Variants in COMTD1 observed in about 807,000 individuals in gnomAD.
COMTD1 encodes the protein catechol-O-methyltransferase domain containing 1.
A neutral mutation model predicts 33.6 loss-of-function variants in COMTD1; 35 were observed. The ratio of observed to expected loss-of-function variants is 1.04; its 90% CI spans 0.80 to 1.38. COMTD1 has a LOEUF of 1.38. Ranked by LOEUF, COMTD1 falls within the 40% of genes most tolerant of loss-of-function variation. COMTD1 has a pLI of 0.00. For synonymous variants in COMTD1, 160 were observed against 176.8 expected, an observed-to-expected ratio of 0.91 and a Z score of 0.75; for missense variants, 370 against 363.4, an observed-to-expected ratio of 1.02 and a Z score of -0.15.
intron 5 of COMTD1, 72 bp from the exon 6 acceptor site, chr10:75,234,815 G>T (rs1842166381): frequency 1.3e-6 from 2 of 1,529,446 alleles, no homozygotes; most frequent in Middle Eastern, 2.3e-4. Context: ...TCCCAGGCCG[G>T]CCCGGGCTCT....
At chr10:75,235,577 T>C in intron 2 of COMTD1, 39 bp downstream of exon 2, 1 of 1,547,358 alleles carries the variant, frequency 6.5e-7, no homozygotes, top group South Asian at 1.2e-5. Context: ...CCCGCAGGGG[T>C]CGAGAGGGAC....
At position 75,234,716 on chromosome 10, in the gene COMTD1, C is replaced by T; in HGVS notation, c.530G>A (p.Gly177Asp). Residue 177 changes from glycine (G) to aspartate (D), a missense_variant, in exon 6 of 7, where the codon GGC (glycine) becomes GAC (aspartate). Coordinates refer to ENST00000372538, the MANE Select transcript of COMTD1 (RefSeq NM_144589.4). ...ATCCACCACGGCCACGTCGAAGGTG[C>T]CGGCCTCGCCCGCCGCCAGCAGCTC... ...LDELLAAGEAGTFDVAVVDAD... is the reference protein window; with the variant it reads ...LDELLAAGEADTFDVAVVDAD... 6.3e-7 allele frequency: 1 copy of T among 1,591,116 alleles called. No individual in the cohort carries two copies.
intron 6 of COMTD1, 27 bp from the exon 7 acceptor site, chr10:75,234,252 C>G (rs769905010): frequency 5.7e-6 from 9 of 1,576,336 alleles, no homozygotes; most frequent in African/African-American, 2.7e-5. Flanking sequence ...CCAACCGGGC[C>G]GTGGGAGGCG....
In COMTD1 at chr10:75,234,124, G is replaced by A. The variant is rs1311057629; in HGVS notation, c.738C>T (p.Tyr246=). Residue 246 remains tyrosine, a synonymous_variant, in exon 7 of 7, where the codon TAC becomes TAT. Coordinates refer to ENST00000372538, the MANE Select transcript of COMTD1 (RefSeq NM_144589.4). ...NERIRRDVRV[Y]ISLLPLGDGL... ...CATCGCCCAGGGGCAGGAGGCTGATGTAGACCCTGACGTCCCGCCGGATGC... is the reference window on the plus strand; with the variant it reads ...CATCGCCCAGGGGCAGGAGGCTGATATAGACCCTGACGTCCCGCCGGATGC... 3.1e-6 allele frequency: 5 copies of A among 1,613,890 alleles called. No individual in the cohort carries two copies. Among genetic ancestry groups the A allele is most frequent in the South Asian group, 1.1e-5 (1 of 91,090 alleles).
Position 75,233,955 on chromosome 10 carries a change from A to T in COMTD1, c.*118T>A. The T allele has an allele frequency of 6.3e-7, 1 of 1,576,630 alleles. No homozygotes were observed. On this transcript the variant is annotated 3_prime_UTR_variant, in exon 7 of 7. Coordinates refer to ENST00000372538, the MANE Select transcript of COMTD1 (RefSeq NM_144589.4). ...CTCCCTTCCCCATCCAGCGCCACAC[A>T]CGGAGGCTCAGGAGGTCGTGTGTCC...
intron 6 of COMTD1, 60 bp downstream of exon 6, chr10:75,234,550 G>A: frequency 1.3e-6 from 2 of 1,509,240 alleles, no homozygotes; most frequent in Non-Finnish European, 1.8e-6. Context: ...GGAGTCAAGG[G>A]AAAAGATGGG....
chr10:75,234,115 G>A lies in COMTD1; in HGVS notation c.747C>T (p.Leu249=), dbSNP rs1464120692. ...IRRDVRVYIS[L]LPLGDGLTLA... is the part of the protein sequence containing the mutation. ...AGGTGAGTCCATCGCCCAGGGGCAG[G>A]AGGCTGATGTAGACCCTGACGTCCC... The change falls in exon 7 of 7, where the codon CTC becomes CTT. Residue 249 remains leucine (L), a synonymous_variant. Coordinates refer to ENST00000372538, the MANE Select transcript of COMTD1 (RefSeq NM_144589.4). 1.2e-6 allele frequency: 2 copies of A among 1,613,976 alleles called. No individual in the cohort carries two copies. The highest frequency in any genetic ancestry group is 2.2e-5 in the East Asian group (1 of 44,882).
rs944515103 is a variant in COMTD1 at position 75,234,305 on chromosome 10, G to A, written c.637-80C>T. On this transcript the variant is annotated intron_variant, in intron 6 of 6. Transcript: ENST00000372538. ...GCTCGGGCGGAAGGCGGGGGACTGG[G>A]AGGGAGGTGCCCGGGCGGGAGGCGG... is the stretch of plus-strand genomic sequence containing the variant. 27 of 1,430,878 alleles carry A rather than the reference G, an allele frequency of 1.9e-5. No homozygotes were observed. In the African/African-American group the frequency reaches 2.4e-4, roughly 13 times the overall value. The allele number at this position is 1,430,878 out of a possible 1,614,324, so 88.6% of individuals were successfully genotyped here. A position where few individuals can be genotyped will look rare whatever the true frequency, so the allele number is the denominator to read the frequency against.
chr10:75,235,715 CCGG>C lies in COMTD1; in HGVS notation c.120_122del (p.Arg42del), dbSNP rs1219180883. ...CGGGGGGAAGCAGGCACTGCTCTCG[CCGG>C]CCTCGCCATGGGGGGCACCGCCTCC... On this transcript the variant is annotated inframe_deletion, in exon 2 of 7. Transcript: ENST00000372538. The C allele has an allele frequency of 6.2e-7, 1 of 1,600,172 alleles. No homozygotes were observed. Among genetic ancestry groups the C allele is most frequent in the Non-Finnish European group, 8.5e-7 (1 of 1,174,914 alleles).
chr10:75,235,797 G>GGGCCCCCC, intron 1 of COMTD1, 38 bp downstream of exon 1: 1 of 1,538,638 alleles, frequency 6.5e-7, no homozygotes, highest in Non-Finnish European at 8.8e-7. Flanking sequence ...CCTACTCTGC[G>GGGCCCCCC]CCCGCCCACC....
At position 75,235,323 on chromosome 10, in the gene COMTD1, G is replaced by C; in HGVS notation, c.272C>G (p.Ala91Gly). The C allele has an allele frequency of 9.4e-6, 15 of 1,594,808 alleles. No individual in the cohort carries two copies. Among genetic ancestry groups the C allele is most frequent in the Non-Finnish European group, 1.3e-5 (15 of 1,173,420 alleles). The change falls in exon 3 of 7, where the codon GCC becomes GGC. Residue 91 changes from alanine (A) to glycine (G), a missense_variant. Transcript: ENST00000372538. Reference protein sequence around the residue: ...QGDSMMTCEQAQLLANLARLI... With the variant: ...QGDSMMTCEQGQLLANLARLI... ...CCGCGCCAGGTTGGCCAAGAGCTGG[G>C]CCTGCTCGCAGGTCATCATAGAATC...
chr10:75,235,217 G>A lies in COMTD1; in HGVS notation c.329-39C>T, dbSNP rs762338782. 19 of 1,464,646 alleles carry A rather than the reference G, an allele frequency of 1.3e-5. No homozygotes were observed. In the Admixed American group the frequency reaches 3.8e-4, roughly 29 times the overall value. 90.7% of individuals were successfully genotyped at this position (1,464,646 alleles called of 1,614,324 possible). A position where few individuals can be genotyped will look rare whatever the true frequency, so the allele number is the denominator to read the frequency against. ...ACAGACGGGCTCAGCCCAGAGTGGG[G>A]GTCGGCCCGGAAACCTCGGCCCTCC... is the stretch of plus-strand genomic sequence containing the variant. On this transcript the variant is annotated intron_variant, in intron 3 of 6. Transcript: ENST00000372538.
chr10:75,235,797 G>GGGGGCCCCCCCC, intron 1 of COMTD1, 38 bp downstream of exon 1: 3 of 1,538,616 alleles, frequency 1.9e-6, no homozygotes, highest in South Asian at 1.2e-5. Flanking sequence ...CCTACTCTGC[G>GGGGGCCCCCCCC]CCCGCCCACC....
chr10:75,234,031 C>T lies in COMTD1; in HGVS notation c.*42G>A. On this transcript the variant is annotated 3_prime_UTR_variant, in exon 7 of 7. Coordinates refer to ENST00000372538, the MANE Select transcript of COMTD1 (RefSeq NM_144589.4). ...AAACTCAGGGTCAATTCCTGGGGTT[C>T]CCAGGCAACCCTCCCTCGAGCCCAC... is the stretch of plus-strand genomic sequence containing the variant. 6.2e-7 allele frequency: 1 copy of T among 1,613,590 alleles called. No individual in the cohort carries two copies. The highest frequency in any genetic ancestry group is 8.5e-7 in the Non-Finnish European group (1 of 1,179,984).
chr10:75,235,415 ACCTTC>A, intron 2 of COMTD1, 43 bp from the exon 3 acceptor site: 1 of 1,434,282 alleles, frequency 7.0e-7, no homozygotes. Context: ...CAGGTCACCC[ACCTTC>A]GCCCTGGGGG....
In COMTD1 at chr10:75,234,766, G is replaced by C. The variant is rs775877128; in HGVS notation, c.503-23C>G. ...CGTCTTGCGGGGGGAGGGAGGGCAGGTGCGGCTGAGTCCGCGGCCCCGGCG... is the reference window on the plus strand; with the variant it reads ...CGTCTTGCGGGGGGAGGGAGGGCAGCTGCGGCTGAGTCCGCGGCCCCGGCG... On this transcript the variant is annotated intron_variant, in intron 5 of 6. Coordinates refer to ENST00000372538, the MANE Select transcript of COMTD1 (RefSeq NM_144589.4). 2.6e-6 allele frequency: 4 copies of C among 1,562,178 alleles called. No individual in the cohort carries two copies. The African/African-American group carries it at 5.5e-5, about 22-fold the overall frequency.
chr10:75,234,760 G>C lies in COMTD1; in HGVS notation c.503-17C>G. On this transcript the variant is annotated splice_polypyrimidine_tract_variant and intron_variant, in intron 5 of 6. Coordinates refer to ENST00000372538, the MANE Select transcript of COMTD1 (RefSeq NM_144589.4). ...GCAGCTCGTCTTGCGGGGGGAGGGA[G>C]GGCAGGTGCGGCTGAGTCCGCGGCC... 6.4e-7 allele frequency: 1 copy of C among 1,568,054 alleles called. No individual in the cohort carries two copies. The highest frequency in any genetic ancestry group is 8.6e-7 in the Non-Finnish European group (1 of 1,158,200).
In COMTD1 at chr10:75,234,754, G is replaced by C. The variant is rs1434738736; in HGVS notation, c.503-11C>G. 4 of 1,576,614 alleles carry C rather than the reference G, an allele frequency of 2.5e-6. No homozygotes were observed. The highest frequency in any genetic ancestry group is 2.3e-4 in the Middle Eastern group (1 of 4,396). ...CCGCCAGCAGCTCGTCTTGCGGGGG[G>C]AGGGAGGGCAGGTGCGGCTGAGTCC... On this transcript the variant is annotated splice_polypyrimidine_tract_variant and intron_variant, in intron 5 of 6. Coordinates refer to ENST00000372538, the MANE Select transcript of COMTD1 (RefSeq NM_144589.4).
rs534512374 is a variant in COMTD1 at position 75,235,692 on chromosome 10, G to A, written c.146C>T (p.Pro49Leu). Residue 49 changes from proline (P) to leucine (L), a missense_variant, in exon 2 of 7, where the codon CCC becomes CTC. By Grantham distance (98) the Pro-to-Leu change is moderately conservative. Coordinates refer to ENST00000372538, the MANE Select transcript of COMTD1 (RefSeq NM_144589.4). ...RGRREQCLLP[P>L]EDSRLWQYLL... ...ATACTGCCACAGGCGGCTGTCCTCG[G>A]GGGGAAGCAGGCACTGCTCTCGCCG... The A allele has an allele frequency of 1.9e-6, 3 of 1,597,670 alleles. No individual in the cohort carries two copies. The highest frequency in any genetic ancestry group is 2.6e-6 in the Non-Finnish European group (3 of 1,173,644).
Sources: allele counts gnomAD v4.1 joint callset, GRCh38; gene constraint gnomAD v4.1.1; transcripts MANE v1.5; gene names NCBI Gene and HGNC (gene_info 2026-07-23, HGNC 2026-07-21).